The following NSMCE2 variants were observed in gnomAD, a reference collection of about 807,000 sequenced individuals.
NSMCE2 encodes E3 SUMO-protein ligase NSE2.
NSMCE2 carries 24 observed loss-of-function variants against 23.8 expected under a neutral mutation model. The ratio of observed to expected loss-of-function variants is 1.01; its 90% CI spans 0.73 to 1.42. NSMCE2 has a LOEUF of 1.42. NSMCE2 is among the 40% of genes most tolerant of loss of function. NSMCE2 has a pLI of 0.00. For synonymous variants in NSMCE2, 92 were observed against 94.1 expected, an observed-to-expected ratio of 0.98 and a Z score of 0.13; for missense variants, 284 against 296.5, an observed-to-expected ratio of 0.96 and a Z score of 0.31.
At chr8:125,362,336 G>C (rs1475676756) in intron 7 of NSMCE2, among the ~76,000 whole-genome samples, 1 of 152,202 alleles carries the variant, frequency 6.6e-6, no homozygotes, top group Non-Finnish European at 1.5e-5. Context: ...GGAGAAACAA[G>C]GTCCTTCCCA....
At chr8:125,323,091 G>T (rs567701770) in intron 5 of NSMCE2, among the ~76,000 whole-genome samples, 2 of 152,146 alleles carry the variant, frequency 1.3e-5, no homozygotes, top group African/African-American at 4.8e-5. Context: ...AATACCTATC[G>T]ATGTATCTGA....
At chr8:125,298,697 G>GTTTTTTTTTTTTT (rs56972472) in intron 5 of NSMCE2, among the ~76,000 whole-genome samples, 1 of 68,386 alleles carries the variant, frequency 1.5e-5, no homozygotes. Flanking sequence ...GTTTTTTTTT[G>GTTTTTTTTTTTTT]TTTTTTTTTT....
intron 5 of NSMCE2, among the ~76,000 whole-genome samples, chr8:125,316,732 TTTCCTTCCTTCC>T (rs58493916): frequency 5.9e-5 from 6 of 102,474 alleles, no homozygotes; most frequent in South Asian, 6.8e-4. Flanking sequence ...CTTTCCTTCT[TTTCCTTCCTTCC>T]TTCCTTCCTT....
chr8:125,131,833 T>C (rs1198833158), intron 3 of NSMCE2, among the ~76,000 whole-genome samples: 1 of 152,178 alleles, frequency 6.6e-6, no homozygotes, highest in Non-Finnish European at 1.5e-5. Context: ...ATCCCCTCAC[T>C]TTGAATGGTG....
At chr8:125,195,015 G>A (rs761634099) in intron 5 of NSMCE2, among the ~76,000 whole-genome samples, 1 of 152,072 alleles carries the variant, frequency 6.6e-6, no homozygotes, top group Non-Finnish European at 1.5e-5. Context: ...CCAGTAGCAT[G>A]AGCATCACCT....
At chr8:125,160,268 C>T (rs1483134557) in intron 4 of NSMCE2, among the ~76,000 whole-genome samples, 1 of 152,152 alleles carries the variant, frequency 6.6e-6, no homozygotes, top group Non-Finnish European at 1.5e-5. Flanking sequence ...AGTTCTGTCA[C>T]ACTAATTTAT....
At chr8:125,361,924 C>G (rs1313356888) in intron 7 of NSMCE2, among the ~76,000 whole-genome samples, 1 of 152,148 alleles carries the variant, frequency 6.6e-6, no homozygotes, top group South Asian at 2.1e-4. Context: ...TTCTTGGGAC[C>G]CAGATCCAGG....
At chr8:125,361,826 G>A (rs1813568876) in intron 7 of NSMCE2, among the ~76,000 whole-genome samples, 1 of 152,190 alleles carries the variant, frequency 6.6e-6, no homozygotes, top group Non-Finnish European at 1.5e-5. Context: ...TACTGTCTGT[G>A]TTGAGGTATG....
At chr8:125,331,588 C>CT (rs35463931) in intron 5 of NSMCE2, among the ~76,000 whole-genome samples, 14,145 of 147,532 alleles carry the variant, frequency 0.096, 723 homozygotes, top group South Asian at 0.16. Flanking sequence ...TAAAAACGAT[C>CT]TTTTTTTTTT....
At chr8:125,170,595 A>G (rs1420751575) in intron 4 of NSMCE2, among the ~76,000 whole-genome samples, 1 of 151,742 alleles carries the variant, frequency 6.6e-6, no homozygotes, top group African/African-American at 2.4e-5. Flanking sequence ...TTTAGAAGTG[A>G]TGGGGTTTCA....
intron 5 of NSMCE2, among the ~76,000 whole-genome samples, chr8:125,287,165 C>T (rs1827935994): frequency 6.6e-6 from 1 of 151,952 alleles, no homozygotes; most frequent in Admixed American, 6.6e-5. Flanking sequence ...AATCCCATCT[C>T]TACTGAAACT....
At chr8:125,252,695 C>T (rs899793460) in intron 5 of NSMCE2, among the ~76,000 whole-genome samples, 5 of 152,216 alleles carry the variant, frequency 3.3e-5, no homozygotes, top group Non-Finnish European at 7.3e-5. Context: ...ATATTTTAAT[C>T]TGGTAGTTGA....
intron 5 of NSMCE2, among the ~76,000 whole-genome samples, chr8:125,257,574 C>T (rs1020504857): frequency 7.0e-6 from 1 of 143,714 alleles, no homozygotes; most frequent in African/African-American, 2.6e-5. Context: ...CGCTCTGTCG[C>T]CCAGGCTGGA....
intron 5 of NSMCE2, among the ~76,000 whole-genome samples, chr8:125,199,343 T>G (rs905861170): frequency 6.6e-6 from 1 of 152,166 alleles, no homozygotes; most frequent in Non-Finnish European, 1.5e-5. Context: ...CTCTGCACAC[T>G]ACTTTAAATG....
chr8:125,192,222 T>C (rs766045239), intron 5 of NSMCE2, among the ~76,000 whole-genome samples: 4 of 152,184 alleles, frequency 2.6e-5, no homozygotes, highest in Non-Finnish European at 5.9e-5. Context: ...TGTTGAGTTA[T>C]AATTCCTGAA....
intron 4 of NSMCE2, among the ~76,000 whole-genome samples, chr8:125,179,368 TAAGAA>T (rs138300767): frequency 0.013 from 1,941 of 152,210 alleles, 33 homozygotes; most frequent in African/African-American, 0.045. Flanking sequence ...AAAATTCTCC[TAAGAA>T]AAGAGGGGCA....
intron 5 of NSMCE2, among the ~76,000 whole-genome samples, chr8:125,248,179 G>A (rs948788793): frequency 2.6e-5 from 4 of 152,116 alleles, no homozygotes; most frequent in East Asian, 1.9e-4. Flanking sequence ...GAAACAGTCC[G>A]GGGTGTTTAT....
At chr8:125,177,541 A>G (rs1329069029) in intron 4 of NSMCE2, among the ~76,000 whole-genome samples, 1 of 152,122 alleles carries the variant, frequency 6.6e-6, no homozygotes, top group Non-Finnish European at 1.5e-5. Context: ...TTACTCGTTC[A>G]CCCACATCAT....
In NSMCE2 at chr8:125,357,210, T is replaced by G; in HGVS notation, c.419-9T>G. 3 of 1,570,042 alleles carry G rather than the reference T, an allele frequency of 1.9e-6. No individual in the cohort carries two copies. Among genetic ancestry groups the G allele is most frequent in the Non-Finnish European group, 2.6e-6 (3 of 1,140,074 alleles). On this transcript the variant is annotated splice_polypyrimidine_tract_variant and intron_variant, in intron 5 of 7. Transcript: ENST00000287437. Reference sequence around the variant, plus strand: ...CAGAGAGGCTTATCAACTCTCCATTTTCCTCTAGGTGGTCTTCAAGCTGAC... The same window carrying G: ...CAGAGAGGCTTATCAACTCTCCATTGTCCTCTAGGTGGTCTTCAAGCTGAC...
Sources: gnomAD v4.1 joint callset for allele counts (sites outside exome capture counted in the v4.1 genomes callset) on GRCh38, gnomAD v4.1.1 for gene constraint, MANE v1.5 for transcripts, NCBI Gene and HGNC (gene_info 2026-07-23, HGNC 2026-07-21) for gene names.